The following PTPRD variants were observed in gnomAD, a reference collection of about 807,000 sequenced individuals.
The protein encoded by PTPRD is protein tyrosine phosphatase receptor type D.
In PTPRD, 34 loss-of-function variants were observed where a neutral mutation model predicts 214.5. The observed-to-expected ratio is 0.16, with a 90% CI of 0.12 to 0.21. The LOEUF is 0.21. Ranked by LOEUF, PTPRD falls within the 10% of genes least tolerant of loss-of-function variation. The pLI, the probability that PTPRD is intolerant of heterozygous loss-of-function variation, is 1.00. For missense variants in PTPRD, 2,545 were observed against 2,398.7 expected (o/e 1.06, Z -1.27); for synonymous variants, 1,128 against 845.7 (o/e 1.33, Z -5.79).
intron 7 of PTPRD, among the ~76,000 whole-genome samples, chr9:9,685,593 A>G (rs2097152843): frequency 6.6e-6 from 1 of 151,414 alleles, no homozygotes; most frequent in African/African-American, 2.4e-5. Context: ...CAAAATATTC[A>G]GACACCCTCA....
intron 2 of PTPRD, among the ~76,000 whole-genome samples, chr9:10,411,763 T>C (rs758784616): frequency 6.6e-6 from 1 of 151,732 alleles, no homozygotes; most frequent in Non-Finnish European, 1.5e-5. Context: ...TCATTAGTAA[T>C]TGCAGTGGCC....
intron 14 of PTPRD, among the ~76,000 whole-genome samples, chr9:8,534,021 A>G (rs540875428): frequency 6.6e-6 from 1 of 152,038 alleles, no homozygotes; most frequent in African/African-American, 2.4e-5. Context: ...AAGGAGTATT[A>G]GAATTAGAGA....
At chr9:9,763,260 T>C (rs947918699) in intron 6 of PTPRD, among the ~76,000 whole-genome samples, 1 of 152,192 alleles carries the variant, frequency 6.6e-6, no homozygotes, top group East Asian at 1.9e-4. Flanking sequence ...GACATAGAGA[T>C]AATCACTGTT....
chr9:9,974,579 T>A (rs1314494636), intron 4 of PTPRD, among the ~76,000 whole-genome samples: 1 of 152,200 alleles, frequency 6.6e-6, no homozygotes, highest in Non-Finnish European at 1.5e-5. Context: ...AATCTAGACC[T>A]AATTACCCCA....
intron 11 of PTPRD, among the ~76,000 whole-genome samples, chr9:8,783,538 C>G (rs2095822823): frequency 6.6e-6 from 1 of 152,134 alleles, no homozygotes; most frequent in Non-Finnish European, 1.5e-5. Context: ...AAGCCCAGGC[C>G]TACTTAAGTT....
chr9:8,524,629 T>C, intron 18 of PTPRD: 1 of 439,626 alleles, frequency 2.3e-6, no homozygotes, highest in South Asian at 2.4e-5. Flanking sequence ...GAAGAAAACC[T>C]CAAACAAATG....
intron 2 of PTPRD, among the ~76,000 whole-genome samples, chr9:10,420,359 G>A (rs1342239598): frequency 6.6e-6 from 1 of 151,634 alleles, no homozygotes; most frequent in East Asian, 2.0e-4. Context: ...ATTGAAAATG[G>A]CTCAACAATT....
At chr9:9,653,950 T>C (rs1169188754) in intron 7 of PTPRD, among the ~76,000 whole-genome samples, 1 of 152,108 alleles carries the variant, frequency 6.6e-6, no homozygotes, top group Non-Finnish European at 1.5e-5. Flanking sequence ...TATATAAACT[T>C]TTTTATTTTT....
chr9:9,475,680 A>G (rs1172317323), intron 8 of PTPRD, among the ~76,000 whole-genome samples: 1 of 152,182 alleles, frequency 6.6e-6, no homozygotes, highest in Non-Finnish European at 1.5e-5. Context: ...CCCTGACTAG[A>G]TAGCTTCCAG....
intron 3 of PTPRD, among the ~76,000 whole-genome samples, chr9:10,112,513 A>G (rs948391264): frequency 1.3e-5 from 2 of 152,054 alleles, no homozygotes; most frequent in Non-Finnish European, 2.9e-5. Flanking sequence ...TTCTATGAAT[A>G]TCAAATTTGT....
chr9:9,318,112 A>C (rs1422795231), intron 9 of PTPRD, among the ~76,000 whole-genome samples: 1 of 152,086 alleles, frequency 6.6e-6, no homozygotes, highest in Non-Finnish European at 1.5e-5. Context: ...CGGAGGTTGC[A>C]GTAAGCCGAG....
chr9:9,186,020 A>C (rs1319757873), intron 9 of PTPRD, among the ~76,000 whole-genome samples: 1 of 152,052 alleles, frequency 6.6e-6, no homozygotes, highest in African/African-American at 2.4e-5. Flanking sequence ...ATCCTTTCTA[A>C]GCCATGCATA....
intron 11 of PTPRD, among the ~76,000 whole-genome samples, chr9:9,007,093 C>A (rs1406541107): frequency 6.6e-6 from 1 of 151,802 alleles, no homozygotes; most frequent in Admixed American, 6.6e-5. Context: ...AATTAAAATA[C>A]TGTGTGTGCT....
At chr9:8,505,429 T>C (rs563067269) in intron 22 of PTPRD, among the ~76,000 whole-genome samples, 91 of 152,162 alleles carry the variant, frequency 6.0e-4, no homozygotes, top group Non-Finnish European at 9.3e-4. Context: ...GAGACCATCC[T>C]GGCTAACATG....
intron 9 of PTPRD, among the ~76,000 whole-genome samples, chr9:9,187,009 T>A (rs1454306963): frequency 6.6e-6 from 1 of 151,302 alleles, no homozygotes. Context: ...ATATAATAAT[T>A]AAAACATTTC....
chr9:8,783,870 C>G (rs113602688), intron 11 of PTPRD, among the ~76,000 whole-genome samples: 1 of 152,112 alleles, frequency 6.6e-6, no homozygotes, highest in African/African-American at 2.4e-5. Flanking sequence ...ACTTGAGCAT[C>G]GAGACACTCA....
At position 8,331,674 on chromosome 9, in the gene PTPRD, T is replaced by C; in HGVS notation, c.5442A>G (p.Pro1814=). ...QFTDWPEQGV[P]KSGEGFIDFI... ...AGTCAATAAATCCTTCTCCGGACTT[T>C]GGCACTCCTTGCTCTGGCCAGTCAG... The change falls in exon 44 of 46, where the codon CCA becomes CCG. Residue 1814 remains proline (P), a synonymous_variant. Transcript: ENST00000381196. 2 of 1,613,874 alleles carry C rather than the reference T, an allele frequency of 1.2e-6. No homozygotes were observed. Among genetic ancestry groups the C allele is most frequent in the Non-Finnish European group, 1.7e-6 (2 of 1,179,916 alleles).
intron 7 of PTPRD, among the ~76,000 whole-genome samples, chr9:9,623,655 T>C (rs2095322665): frequency 6.6e-6 from 1 of 152,220 alleles, no homozygotes; most frequent in Non-Finnish European, 1.5e-5. Context: ...TCCTGTGTGG[T>C]ACAATGGCCA....
At chr9:9,842,725 A>T (rs2153640675) in intron 5 of PTPRD, among the ~76,000 whole-genome samples, 1 of 149,620 alleles carries the variant, frequency 6.7e-6, no homozygotes, top group East Asian at 2.0e-4. Context: ...TTTACCTTGG[A>T]CAGGATTCAT....
Sources: allele counts gnomAD v4.1 joint callset (sites outside exome capture counted in the v4.1 genomes callset), GRCh38; gene constraint gnomAD v4.1.1; transcripts MANE v1.5; gene names NCBI Gene and HGNC (gene_info 2026-07-23, HGNC 2026-07-21).